FGFR2: variants seen among roughly 807,000 people sequenced by gnomAD.
FGFR2 encodes BEK fibroblast growth factor receptor.
A neutral mutation model predicts 95.9 loss-of-function variants in FGFR2; 19 were observed. The ratio of observed to expected loss-of-function variants is 0.20; its 90% confidence interval spans 0.14 to 0.29. FGFR2 has a LOEUF of 0.29. FGFR2 is among the 10% of genes least tolerant of loss of function. FGFR2 has a pLI of 1.00. For missense variants in FGFR2, 707 were observed against 1,056.9 expected, an observed-to-expected ratio of 0.67 and a Z score of 4.59; for synonymous variants, 392 against 393.3, an observed-to-expected ratio of 1.00 and a Z score of 0.04.
At chr10:121,491,062 G>A (rs1233848053) in intron 13 of FGFR2, among the ~76,000 whole-genome samples, 3 of 152,162 alleles carry the variant, frequency 2.0e-5, no homozygotes, top group Non-Finnish European at 4.4e-5. Flanking sequence ...GCCGACACGC[G>A]CTCTGTGTGT....
intron 4 of FGFR2, among the ~76,000 whole-genome samples, chr10:121,555,902 T>A (rs1336895547): frequency 1.3e-5 from 2 of 152,354 alleles, no homozygotes; most frequent in East Asian, 3.9e-4. Flanking sequence ...TTCAAAGGAC[T>A]CCAACACAGC....
chr10:121,489,259 A>ACCTAG (rs1845822358), intron 13 of FGFR2, among the ~76,000 whole-genome samples: 1 of 152,086 alleles, frequency 6.6e-6, no homozygotes, highest in African/African-American at 2.4e-5. Context: ...TTTTTAGTAG[A>ACCTAG]GACGGGGTTT....
chr10:121,588,539 A>T (rs1219548241), intron 2 of FGFR2, among the ~76,000 whole-genome samples: 2 of 152,108 alleles, frequency 1.3e-5, no homozygotes, highest in African/African-American at 2.4e-5. Flanking sequence ...TAGGAAAGCT[A>T]AAAAAAGTAG....
chr10:121,572,345 GCA>G (rs1313360673), intron 2 of FGFR2, among the ~76,000 whole-genome samples: 2 of 152,022 alleles, frequency 1.3e-5, no homozygotes, highest in Non-Finnish European at 2.9e-5. Flanking sequence ...AGTAGCCCAG[GCA>G]CAGTGGCTCA....
At position 121,483,734 on chromosome 10, in the gene FGFR2, T is replaced by G; in HGVS notation, c.2265A>C (p.Glu755Asp). The change falls in exon 17 of 18, where the codon GAA becomes GAC. Residue 755 changes from glutamate (E) to aspartate (D), a missense_variant. Physicochemically the swap from Glu to Asp is conservative, Grantham distance 45. This residue lies in a region of FGFR2 where 104 missense variants were observed against 214.2 expected (regional missense o/e 0.49). Coordinates refer to ENST00000358487, the MANE Select transcript of FGFR2 (RefSeq NM_000141.5). ...SQRPTFKQLV[E>D]DLDRILTLTT... The stretch of plus-strand genomic sequence containing the variant: ...TGAGAGTGAGAATTCGATCCAAGTC[T>G]TCTACCAACTGCTTGAACGTTGGTC... 1 of 1,614,018 alleles carries G rather than the reference T, an allele frequency of 6.2e-7. No individual in the cohort carries two copies. The highest frequency in any genetic ancestry group is 8.5e-7 in the Non-Finnish European group (1 of 1,179,996).
rs1358919643 is a variant in FGFR2 at position 121,517,463 on chromosome 10, C to T, written c.940G>A (p.Ala314Thr). ...TTGTCCGTGGTGTTAACACCGGCGG[C>T]CTAGAAAACAAGGGAAGCAAAAGAA... Reference protein sequence around the residue: ...DGLPYLKVLKAAGVNTTDKEI... With the variant: ...DGLPYLKVLKTAGVNTTDKEI... Residue 314 changes from alanine (A) to threonine (T), a missense_variant and splice_region_variant, in exon 8 of 18, where the codon GCC (alanine) becomes ACC (threonine). Transcript: ENST00000358487. The surrounding 1 kb of genome is among the most constrained non-coding windows in gnomAD (Gnocchi z 4.7). The T allele has an allele frequency of 6.2e-7, 1 of 1,614,108 alleles. No homozygotes were observed. Among genetic ancestry groups the T allele is most frequent in the Non-Finnish European group, 8.5e-7 (1 of 1,180,022 alleles).
intron 2 of FGFR2, among the ~76,000 whole-genome samples, chr10:121,570,914 T>G (rs944075411): frequency 2.0e-5 from 3 of 152,222 alleles, no homozygotes; most frequent in Admixed American, 6.5e-5. Flanking sequence ...TAAAGCTCAG[T>G]TGCATCCACG....
In FGFR2 at chr10:121,485,895, G is replaced by A. The variant is rs192379025; in HGVS notation, c.2058-363C>T. ...CTGACCCAAGGGTTGTGATCTACCA[G>A]GATGGGCAGTTGACAGAATAAGGCC... On this transcript the variant is annotated intron_variant, in intron 15 of 17. Coordinates refer to ENST00000358487, the MANE Select transcript of FGFR2 (RefSeq NM_000141.5). This position sits in a 1 kb window ranked among gnomAD's most constrained non-coding sequence, Gnocchi z 4.2. Among the ~76,000 whole-genome samples, 42 of 152,330 alleles carry A rather than the reference G, an allele frequency of 2.8e-4. No homozygotes were observed. The highest frequency in any genetic ancestry group is 2.4e-3 in the Admixed American group (36 of 15,304).
At chr10:121,514,779 G>A (rs1329210037) in intron 9 of FGFR2, among the ~76,000 whole-genome samples, 1 of 152,228 alleles carries the variant, frequency 6.6e-6, no homozygotes, top group Non-Finnish European at 1.5e-5. Flanking sequence ...GGACACGAAT[G>A]TGGCTAAAGC....
At chr10:121,590,649 T>TATATATG (rs1474705673) in intron 2 of FGFR2, among the ~76,000 whole-genome samples, 1 of 152,178 alleles carries the variant, frequency 6.6e-6, no homozygotes, top group African/African-American at 2.4e-5. Context: ...AGACAAATGA[T>TATATATG]ATATATGATA....
intron 13 of FGFR2, among the ~76,000 whole-genome samples, chr10:121,492,166 C>A (rs1456504711): frequency 6.6e-6 from 1 of 152,106 alleles, no homozygotes; most frequent in Non-Finnish European, 1.5e-5. Context: ...CAGAGTGAGA[C>A]CCTGTCTCAA....
At chr10:121,498,429 C>T (rs1185285959) in intron 12 of FGFR2, 66 bp downstream of exon 12, 5 of 1,082,846 alleles carry the variant, frequency 4.6e-6, no homozygotes, top group Non-Finnish European at 5.7e-6. Flanking sequence ...GAAGCCCAGC[C>T]ATTTCTAAAA....
At chr10:121,500,755 G>A (rs2134002786) in intron 11 of FGFR2, 71 bp downstream of exon 11, 1 of 1,599,050 alleles carries the variant, frequency 6.3e-7, no homozygotes, top group South Asian at 1.1e-5. Flanking sequence ...GAGTTCACAT[G>A]CCACAAAAGG....
At chr10:121,496,425 A>G (rs1846817579) in intron 13 of FGFR2, 107 bp downstream of exon 13, 1 of 1,072,642 alleles carries the variant, frequency 9.3e-7, no homozygotes, top group Admixed American at 1.7e-5. Flanking sequence ...GTTGTACAAG[A>G]CATGCGAGGG....
At chr10:121,516,577 G>A (rs3135761) in intron 8 of FGFR2, among the ~76,000 whole-genome samples, 21,367 of 152,208 alleles carry the variant, frequency 0.14, 2,228 homozygotes, top group East Asian at 0.52. Context: ...TTTCACAAAG[G>A]AAATGACAAA....
chr10:121,552,079 T>A (rs962263079), intron 4 of FGFR2, among the ~76,000 whole-genome samples: 3 of 151,528 alleles, frequency 2.0e-5, no homozygotes, highest in Non-Finnish European at 4.4e-5. Flanking sequence ...AAAAAAAAAA[T>A]TTCTTTCCAA....
chr10:121,577,978 A>G (rs1860201594), intron 2 of FGFR2, among the ~76,000 whole-genome samples: 1 of 151,986 alleles, frequency 6.6e-6, no homozygotes, highest in Non-Finnish European at 1.5e-5. Context: ...TCCTCTGATC[A>G]GTCCCCACAC....
At chr10:121,535,589 T>A (rs896519440) in intron 6 of FGFR2, among the ~76,000 whole-genome samples, 1 of 152,172 alleles carries the variant, frequency 6.6e-6, no homozygotes, top group Non-Finnish European at 1.5e-5. Context: ...TACCACTCAA[T>A]GATGAACGAT....
chr10:121,594,173 A>G (rs1863104295), intron 1 of FGFR2: 2 of 458,004 alleles, frequency 4.4e-6, no homozygotes, highest in Non-Finnish European at 8.0e-6. Context: ...TAATCTTTTT[A>G]AAAGCATACT....
Sources: allele counts gnomAD v4.1 joint callset (sites outside exome capture counted in the v4.1 genomes callset), GRCh38; gene constraint gnomAD v4.1.1; regional missense constraint gnomAD v4.1.1; non-coding constraint Gnocchi (gnomAD v3.1); transcripts MANE v1.5; gene names NCBI Gene and HGNC (gene_info 2026-07-23, HGNC 2026-07-21).